Variants in PGF observed in about 807,000 individuals in gnomAD.
PGF encodes the protein placenta growth factor.
PGF carries 11 observed loss-of-function variants against 25.3 expected under a neutral mutation model. The ratio of observed to expected loss-of-function variants is 0.43; its 90% CI spans 0.27 to 0.72. PGF has a LOEUF of 0.72. Among genes scored for constraint, PGF ranks in the 30% least tolerant of loss-of-function variants. PGF has a pLI of 0.18. For missense variants in PGF, 230 were observed against 234.9 expected (o/e 0.98, Z 0.14); for synonymous variants, 105 against 97.9 (o/e 1.07, Z -0.43).
At chr14:74,948,637 G>T in intron 3 of PGF, 54 bp from the exon 4 acceptor site, 1 of 1,166,854 alleles carries the variant, frequency 8.6e-7, no homozygotes, top group Non-Finnish European at 1.3e-6. Context: ...CGAGTTTCCG[G>T]CACTCTTCTC....
chr14:74,948,694 G>A (rs1888801266), intron 3 of PGF, 111 bp from the exon 4 acceptor site: 1 of 638,472 alleles, frequency 1.6e-6, no homozygotes, highest in East Asian at 3.0e-5. Context: ...CTAGCCTGTG[G>A]ACTACAGGCC....
intron 4 of PGF, chr14:74,946,627 C>A (rs1888743950): frequency 1.6e-6 from 1 of 635,624 alleles, no homozygotes; most frequent in Admixed American, 2.3e-5. Flanking sequence ...ACGAGAGGGA[C>A]AAATCAACCT....
intron 1 of PGF, chr14:74,954,337 AGCTGAGGG>A: frequency 4.1e-6 from 1 of 241,622 alleles, no homozygotes. Flanking sequence ...AGCTGGTGGG[AGCTGAGGG>A]GCTGGAGCGG....
rs1487210975 is a variant in PGF at position 74,955,517 on chromosome 14, G to T, written c.-275C>A. Reference sequence around the variant, plus strand: ...GGGTCCCGGGGATGGTCCGTCGGGCGCCCAGTGCCACTCCAGGTCCTCCCG... The same window carrying T: ...GGGTCCCGGGGATGGTCCGTCGGGCTCCCAGTGCCACTCCAGGTCCTCCCG... On this transcript the variant is annotated 5_prime_UTR_variant, in exon 1 of 7. Transcript: ENST00000555567. The surrounding 1 kb of genome is among the most constrained non-coding windows in gnomAD (Gnocchi z 4.1). 5.6e-6 allele frequency: 2 copies of T among 358,302 alleles called. No homozygotes were observed. Among genetic ancestry groups the T allele is most frequent in the Non-Finnish European group, 1.0e-5 (2 of 200,054 alleles). The allele number at this position is 358,302 out of a possible 1,614,324, so 22.2% of individuals were successfully genotyped here. A position where few individuals can be genotyped will look rare whatever the true frequency, so the allele number is the denominator to read the frequency against.
intron 3 of PGF, among the ~76,000 whole-genome samples, chr14:74,948,792 C>CTAGCACAGCAA (rs1303453822): frequency 6.6e-6 from 1 of 152,214 alleles, no homozygotes; most frequent in East Asian, 1.9e-4. Flanking sequence ...CCCGGGAGCA[C>CTAGCACAGCAA]TAGCACAGCA....
intron 4 of PGF, 68 bp downstream of exon 4, chr14:74,948,439 C>A: frequency 1.0e-6 from 1 of 965,722 alleles, no homozygotes; most frequent in Non-Finnish European, 1.6e-6. Context: ...CCCTGGGACC[C>A]ATCTTTGCTG....
At position 74,949,492 on chromosome 14, in the gene PGF, G is replaced by A. The variant is rs779335247; in HGVS notation, c.180C>T (p.Asp60=). The A allele has an allele frequency of 8.7e-6, 14 of 1,608,550 alleles. No homozygotes were observed. Among genetic ancestry groups the A allele is most frequent in the South Asian group, 1.1e-5 (1 of 90,472 alleles). Residue 60 remains aspartate (D), a synonymous_variant, in exon 3 of 7, where the codon GAC becomes GAT. Coordinates refer to ENST00000555567, the MANE Select transcript of PGF (RefSeq NM_002632.6). ...SYCRALERLV[D]VVSEYPSEVE... Reference sequence around the variant, plus strand: ...CCTCGCTGGGGTACTCGGACACGACGTCCACCAGCCTCTCCAGCGCCCGGC... The same window carrying A: ...CCTCGCTGGGGTACTCGGACACGACATCCACCAGCCTCTCCAGCGCCCGGC...
At position 74,955,465 on chromosome 14, in the gene PGF, G is replaced by A. The variant is rs1332107019; in HGVS notation, c.-223C>T. 6 of 391,108 alleles carry A rather than the reference G, an allele frequency of 1.5e-5. No homozygotes were observed. In the East Asian group the frequency reaches 1.8e-4, roughly 12 times the overall value. The allele number at this position is 391,108 out of a possible 1,614,324, so 24.2% of individuals were successfully genotyped here. On this transcript the variant is annotated 5_prime_UTR_variant, in exon 1 of 7. Coordinates refer to ENST00000555567, the MANE Select transcript of PGF (RefSeq NM_002632.6). This position sits in a 1 kb window ranked among gnomAD's most constrained non-coding sequence, Gnocchi z 4.1. Reference sequence around the variant, plus strand: ...TGGGGAACCCGACGGGGAGCGGCCCGGCGGGGCGGGGCGCCGAGGGGCAGG... The same window carrying A: ...TGGGGAACCCGACGGGGAGCGGCCCAGCGGGGCGGGGCGCCGAGGGGCAGG...
At chr14:74,946,766 T>G in intron 4 of PGF, 1 of 710,232 alleles carries the variant, frequency 1.4e-6, no homozygotes, top group East Asian at 2.6e-5. Flanking sequence ...CCTTCCAGGG[T>G]GCATTCTGGG....
intron 2 of PGF, among the ~76,000 whole-genome samples, chr14:74,951,045 G>A (rs1250501390): frequency 1.3e-5 from 2 of 152,212 alleles, no homozygotes; most frequent in African/African-American, 4.8e-5. Context: ...ATAAACTTCA[G>A]TCCTAGCAGA....
chr14:74,942,566 C>T lies in PGF; in HGVS notation c.*140G>A, dbSNP rs560454310. On this transcript the variant is annotated 3_prime_UTR_variant, in exon 7 of 7. Transcript: ENST00000555567. ...GAGGGTCCTGTCCTTCCCTGCCCCT[C>T]GTCTTGAAGGGAGCGAGGCATTCAG... 53 of 805,376 alleles carry T rather than the reference C, an allele frequency of 6.6e-5. No homozygotes were observed. The highest frequency in any genetic ancestry group is 2.2e-4 in the Middle Eastern group (1 of 4,532). The allele number at this position is 805,376 out of a possible 1,614,324, so 49.9% of individuals were successfully genotyped here.
In PGF at chr14:74,950,464, G is replaced by A. The variant is rs550872275; in HGVS notation, c.119-911C>T. Among the ~76,000 whole-genome samples, 74 of 152,326 alleles carry A rather than the reference G, an allele frequency of 4.9e-4. No individual in the cohort carries two copies. The highest frequency in any genetic ancestry group is 1.7e-3 in the African/African-American group (70 of 41,566). The stretch of plus-strand genomic sequence containing the variant: ...GATGACATTTCACTGAGGATCATCC[G>A]GGTCATCCCTGACCTCACGATGTCC... On this transcript the variant is annotated intron_variant, in intron 2 of 6. Transcript: ENST00000555567. This position sits in a 1 kb window ranked among gnomAD's most constrained non-coding sequence, Gnocchi z 4.1.
intron 1 of PGF, among the ~76,000 whole-genome samples, chr14:74,954,613 C>A (rs754531522): frequency 9.9e-5 from 15 of 152,154 alleles, no homozygotes; most frequent in Non-Finnish European, 1.5e-4. Flanking sequence ...GCTCACTTCC[C>A]CAGGCCCTGC....
chr14:74,946,705 C>A lies in PGF; in HGVS notation c.393-297G>T. 4.3e-6 allele frequency: 3 copies of A among 690,356 alleles called. No individual in the cohort carries two copies. In the South Asian group the frequency reaches 4.5e-5, roughly 10 times the overall value. The allele number at this position is 690,356 out of a possible 1,614,324, so 42.8% of individuals were successfully genotyped here. A position where few individuals can be genotyped will look rare whatever the true frequency, so the allele number is the denominator to read the frequency against. On this transcript the variant is annotated intron_variant, in intron 4 of 6. Transcript: ENST00000555567. ...TGGCATCAAATTTGGTTGTTTCTGT[C>A]TGTTCTCTGTTGCTTTTTCTTTCTC...
At chr14:74,946,582 G>C in intron 4 of PGF, 174 bp from the exon 5 acceptor site, 1 of 648,110 alleles carries the variant, frequency 1.5e-6, no homozygotes, top group Non-Finnish European at 2.7e-6. Context: ...GAGCCTCAAG[G>C]CTTCACTCCC....
rs1447245589 is a variant in PGF, at chr14:74,953,226, G to A, written c.118+678C>T. On this transcript the variant is annotated intron_variant, in intron 2 of 6. Transcript: ENST00000555567. The surrounding 1 kb of genome is among the most constrained non-coding windows in gnomAD (Gnocchi z 5.4). ...CCCTACATGCCCACTCTCCCATGGC[G>A]CAGGGGAAACCTCAGCGGTGGTGTG... 6.6e-6 allele frequency among the ~76,000 whole-genome samples: 1 copy of A among 152,218 alleles called. No homozygotes were observed. The highest frequency in any genetic ancestry group is 2.4e-5 in the African/African-American group (1 of 41,466).
In PGF at chr14:74,953,131, G is replaced by C. The variant is rs1401617609; in HGVS notation, c.118+773C>G. On this transcript the variant is annotated intron_variant, in intron 2 of 6. Coordinates refer to ENST00000555567, the MANE Select transcript of PGF (RefSeq NM_002632.6). The surrounding 1 kb of genome is among the most constrained non-coding windows in gnomAD (Gnocchi z 5.4). ...TGGCCAGGCCCGGGAGAGGCGGGCTGCCAGGCAGGCAGCCCAGCAGAGGGT... is the reference window on the plus strand; with the variant it reads ...TGGCCAGGCCCGGGAGAGGCGGGCTCCCAGGCAGGCAGCCCAGCAGAGGGT... Among the ~76,000 whole-genome samples, 1 of 152,198 alleles carries C rather than the reference G, an allele frequency of 6.6e-6. No homozygotes were observed. Among genetic ancestry groups the C allele is most frequent in the Non-Finnish European group, 1.5e-5 (1 of 68,028 alleles).
In PGF at chr14:74,949,546, G is replaced by A. The variant is rs1265609704; in HGVS notation, c.126C>T (p.Pro42=). The change falls in exon 3 of 7, where the codon CCC becomes CCT. Residue 42 remains proline, a synonymous_variant. Transcript: ENST00000555567. ...AGCTGCGGCCCCACACTTCCTGGAA[G>A]GGTACCACTGCGAGGAAGCAAGGGG... is the stretch of plus-strand genomic sequence containing the variant. ...GNGSSEVEVV[P]FQEVWGRSYC... is the part of the protein sequence containing the mutation. 6.4e-7 allele frequency: 1 copy of A among 1,567,020 alleles called. No individual in the cohort carries two copies. The highest frequency in any genetic ancestry group is 8.6e-7 in the Non-Finnish European group (1 of 1,156,568).
intron 6 of PGF, chr14:74,945,326 C>T (rs1284737800): frequency 6.6e-6 from 1 of 152,256 alleles, no homozygotes; most frequent in African/African-American, 2.4e-5. Flanking sequence ...CGGCGGGTAA[C>T]TCGGGCCTGG....
Sources: allele counts gnomAD v4.1 joint callset (sites outside exome capture counted in the v4.1 genomes callset), GRCh38; gene constraint gnomAD v4.1.1; non-coding constraint Gnocchi (gnomAD v3.1); transcripts MANE v1.5; gene names NCBI Gene and HGNC (gene_info 2026-07-23, HGNC 2026-07-21).